The following FAT4 variants were observed in gnomAD, a reference collection of about 807,000 sequenced individuals.
The protein encoded by FAT4 is FAT atypical cadherin 4, also known as protocadherin Fat 4.
In FAT4, 84 loss-of-function variants were observed where a neutral mutation model predicts 303.9. That is an observed-to-expected ratio of 0.28 (90% CI 0.23 to 0.33). FAT4 has a LOEUF of 0.33. FAT4 is among the 10% of genes least tolerant of loss of function. The pLI, the probability that FAT4 is intolerant of heterozygous loss-of-function variation, is 1.00. For missense variants in FAT4, 6,005 were observed against 6,146.8 expected, an observed-to-expected ratio of 0.98 and a Z score of 0.77; for synonymous variants, 2,307 against 2,298.8, an observed-to-expected ratio of 1.00 and a Z score of -0.10.
intron 12 of FAT4, among the ~76,000 whole-genome samples, chr4:125,469,394 A>G (rs549573140): frequency 2.0e-5 from 3 of 151,868 alleles, no homozygotes; most frequent in Admixed American, 1.3e-4. Flanking sequence ...ACATTGATTA[A>G]CTCCTTTTTC....
At chr4:125,367,622 A>G (rs1444764907) in intron 2 of FAT4, among the ~76,000 whole-genome samples, 2 of 152,172 alleles carry the variant, frequency 1.3e-5, no homozygotes, top group Admixed American at 1.3e-4. Flanking sequence ...CTCTGTAACT[A>G]GTTTTTTCAA....
intron 2 of FAT4, among the ~76,000 whole-genome samples, chr4:125,342,303 G>A (rs1731831279): frequency 6.6e-6 from 1 of 151,946 alleles, no homozygotes; most frequent in Non-Finnish European, 1.5e-5. Context: ...TCAATAAGAA[G>A]TAGTTTAAAT....
intron 7 of FAT4, 126 bp from the exon 8 acceptor site, chr4:125,434,119 T>G (rs1296907131): frequency 1.3e-6 from 1 of 745,598 alleles, no homozygotes; most frequent in African/African-American, 1.8e-5. Flanking sequence ...CAATCACTTA[T>G]GTGTTCAGAA....
intron 2 of FAT4, among the ~76,000 whole-genome samples, chr4:125,355,663 A>G (rs931227502): frequency 1.3e-5 from 2 of 152,012 alleles, no homozygotes; most frequent in African/African-American, 4.8e-5. Context: ...AATATTTCAC[A>G]TCTTCATCTC....
At chr4:125,455,963 A>G (rs926135883) in intron 10 of FAT4, among the ~76,000 whole-genome samples, 1 of 152,204 alleles carries the variant, frequency 6.6e-6, no homozygotes, top group Non-Finnish European at 1.5e-5. Context: ...CAATAAAGAC[A>G]TGGCAGGCAT....
At chr4:125,456,990 C>A (rs1184156574) in intron 10 of FAT4, among the ~76,000 whole-genome samples, 1 of 152,056 alleles carries the variant, frequency 6.6e-6, no homozygotes, top group Non-Finnish European at 1.5e-5. Context: ...TCATACTCTA[C>A]TTTTGTGGGC....
chr4:125,334,447 A>T (rs1195123088), intron 2 of FAT4, among the ~76,000 whole-genome samples: 1 of 152,088 alleles, frequency 6.6e-6, no homozygotes, highest in Non-Finnish European at 1.5e-5. Flanking sequence ...CACTGCTTCT[A>T]AATCCTTTGC....
Position 125,446,456 on chromosome 4 carries a change from C to T in FAT4, c.7363C>T (p.Leu2455Phe). 7 of 1,613,390 alleles carry T rather than the reference C, an allele frequency of 4.3e-6. No individual in the cohort carries two copies. Among genetic ancestry groups the T allele is most frequent in the Non-Finnish European group, 5.9e-6 (7 of 1,179,442 alleles). ...PEPLSSSTSV[L>F]VTVTDVNDNP... ...GCCTCTTTCCAGTTCCACCAGTGTG[C>T]TTGTCACTGTGACTGATGTCAATGA... Residue 2455 changes from leucine to phenylalanine, a missense_variant, in exon 9 of 18, where the codon CTT becomes TTT. Leu to Phe is a conservative substitution (Grantham distance 22). Transcript: ENST00000394329.
chr4:125,434,366 A>C lies in FAT4; in HGVS notation c.7140A>C (p.Gly2380=). ...FTTIPEDAPT[G]TDVLLVNASD... ...CAATTCCTGAGGATGCACCAACTGG[A>C]ACAGATGTTTTATTGGTAAATGCCT... Residue 2380 remains glycine (G), a synonymous_variant, in exon 8 of 18, where the codon GGA becomes GGC. Coordinates refer to ENST00000394329, the MANE Select transcript of FAT4 (RefSeq NM_001291303.3). 6.2e-7 allele frequency: 1 copy of C among 1,614,100 alleles called. No individual in the cohort carries two copies. The highest frequency in any genetic ancestry group is 8.5e-7 in the Non-Finnish European group (1 of 1,179,992).
At chr4:125,420,990 G>A (rs1724853768) in intron 7 of FAT4, among the ~76,000 whole-genome samples, 1 of 152,182 alleles carries the variant, frequency 6.6e-6, no homozygotes, top group Admixed American at 6.5e-5. Flanking sequence ...GTGTGTAGTG[G>A]CATGATCTTG....
At chr4:125,345,811 T>C (rs1268780482) in intron 2 of FAT4, among the ~76,000 whole-genome samples, 2 of 152,082 alleles carry the variant, frequency 1.3e-5, no homozygotes, top group Non-Finnish European at 2.9e-5. Context: ...TGTAGTGCTA[T>C]AAATGTTAAC....
chr4:125,430,995 T>A (rs891519636), intron 7 of FAT4, among the ~76,000 whole-genome samples: 1 of 152,208 alleles, frequency 6.6e-6, no homozygotes, highest in Non-Finnish European at 1.5e-5. Context: ...ACAGGGCTCA[T>A]TTTTTACTCC....
Position 125,451,387 on chromosome 4 carries a change from G to T in FAT4, c.10377G>T (p.Pro3459=), listed in dbSNP as rs569467294. 1.2e-6 allele frequency: 2 copies of T among 1,613,942 alleles called. No homozygotes were observed. The highest frequency in any genetic ancestry group is 1.7e-6 in the Non-Finnish European group (2 of 1,180,002). ...GNENGAFSIN[P]QTGQITVTAE... is the part of the protein sequence containing the mutation. ...AAAATGGTGCCTTTTCTATTAATCC[G>T]CAGACAGGACAGATCACCGTTACTG... Residue 3459 remains proline (P), a synonymous_variant, in exon 10 of 18, where the codon CCG becomes CCT. Transcript: ENST00000394329.
intron 2 of FAT4, among the ~76,000 whole-genome samples, chr4:125,393,587 C>A (rs1048591735): frequency 6.6e-6 from 1 of 151,890 alleles, no homozygotes; most frequent in Admixed American, 6.6e-5. Context: ...TGATAGACTG[C>A]ATATTATAAA....
At chr4:125,357,891 A>T (rs1024998430) in intron 2 of FAT4, among the ~76,000 whole-genome samples, 59 of 152,156 alleles carry the variant, frequency 3.9e-4, no homozygotes, top group African/African-American at 1.3e-3. Context: ...ACTGGGCCAT[A>T]CATCCCTTCC....
At chr4:125,441,596 A>G (rs928983545) in intron 8 of FAT4, among the ~76,000 whole-genome samples, 2 of 152,228 alleles carry the variant, frequency 1.3e-5, no homozygotes, top group African/African-American at 4.8e-5. Flanking sequence ...AATAATTTGT[A>G]CAAAGCAAAG....
chr4:125,479,029 C>A (rs1317371586), intron 14 of FAT4, among the ~76,000 whole-genome samples: 1 of 152,092 alleles, frequency 6.6e-6, no homozygotes, highest in Non-Finnish European at 1.5e-5. Flanking sequence ...CATGTTGGGC[C>A]TCGGTGTTTC....
intron 9 of FAT4, 141 bp from the exon 10 acceptor site, chr4:125,448,320 A>G: frequency 5.5e-6 from 4 of 733,360 alleles, no homozygotes; most frequent in Non-Finnish European, 8.7e-6. Context: ...GAGAAAATAT[A>G]GGAGATACTG....
At chr4:125,444,710 A>G (rs984904736) in intron 8 of FAT4, among the ~76,000 whole-genome samples, 8 of 152,074 alleles carry the variant, frequency 5.3e-5, no homozygotes, top group African/African-American at 9.7e-5. Context: ...GTGAATATTT[A>G]TAGGAATAAA....
Sources: gnomAD v4.1 joint callset for allele counts (sites outside exome capture counted in the v4.1 genomes callset) on GRCh38, gnomAD v4.1.1 for gene constraint, MANE v1.5 for transcripts, NCBI Gene and HGNC (gene_info 2026-07-23, HGNC 2026-07-21) for gene names.